ERC1: variants seen among roughly 807,000 people sequenced by gnomAD.
The protein encoded by ERC1 is RAB6 interacting protein 2.
In ERC1, 56 loss-of-function variants were observed where a neutral mutation model predicts 132.0. The observed-to-expected ratio is 0.42, with a 90% CI of 0.34 to 0.53. ERC1 has a LOEUF of 0.53. Ranked by LOEUF, ERC1 falls within the 20% of genes least tolerant of loss-of-function variation. The pLI is 0.03. For missense variants in ERC1, 1,202 were observed against 1,349.9 expected (o/e 0.89, Z 1.72); for synonymous variants, 478 against 476.1 (o/e 1.00, Z -0.05).
intron 15 of ERC1, among the ~76,000 whole-genome samples, chr12:1,336,563 G>A (rs982264395): frequency 6.6e-6 from 1 of 152,124 alleles, no homozygotes; most frequent in Non-Finnish European, 1.5e-5. Flanking sequence ...ATGGTTTCGA[G>A]CAAAATTCTT....
chr12:1,215,835 T>C (rs1958351419), intron 12 of ERC1, among the ~76,000 whole-genome samples: 1 of 152,204 alleles, frequency 6.6e-6, no homozygotes, highest in Admixed American at 6.5e-5. Flanking sequence ...ATATAGGTTA[T>C]TGTTAAAGAC....
rs1490216373 is a variant in ERC1 at position 1,066,323 on chromosome 12, A to G, written c.670-16841A>G. 2.0e-5 allele frequency among the ~76,000 whole-genome samples: 3 copies of G among 152,244 alleles called. No individual in the cohort carries two copies. The East Asian group carries it at 5.8e-4, about 29-fold the overall frequency. ...TATTGATTCTAAGCCTTATGTCAGC[A>G]TTGCAAGATAGATTAGGAAGAACAA... On this transcript the variant is annotated intron_variant, in intron 2 of 18. Coordinates refer to ENST00000360905, the MANE Select transcript of ERC1 (RefSeq NM_178040.4).
chr12:1,424,858 A>AGCTAGC (rs1565411478), intron 17 of ERC1, among the ~76,000 whole-genome samples: 157 of 118,878 alleles, frequency 1.3e-3, no homozygotes, highest in African/African-American at 5.6e-3. Context: ...AGATAGATAG[A>AGCTAGC]TAGATCGATA....
chr12:1,053,375 C>T (rs1241560475), intron 2 of ERC1, among the ~76,000 whole-genome samples: 4 of 152,174 alleles, frequency 2.6e-5, no homozygotes, highest in Non-Finnish European at 5.9e-5. Context: ...GAGATCACCC[C>T]ACCCCAGCCA....
intron 15 of ERC1, among the ~76,000 whole-genome samples, chr12:1,292,864 T>A (rs2079553617): frequency 6.7e-6 from 1 of 150,240 alleles, no homozygotes; most frequent in Non-Finnish European, 1.5e-5. Context: ...TATAAAAAAT[T>A]GGCTGGACGT....
chr12:1,360,151 C>T (rs1266354556), intron 15 of ERC1, among the ~76,000 whole-genome samples: 1 of 152,096 alleles, frequency 6.6e-6, no homozygotes, highest in African/African-American at 2.4e-5. Context: ...CTTAATTTCT[C>T]TTCTGATTTT....
At position 1,492,911 on chromosome 12, in the gene ERC1, G is replaced by A; in HGVS notation, c.*2681G>A. 1 of 228,616 alleles carries A rather than the reference G, an allele frequency of 4.4e-6. No homozygotes were observed. The highest frequency in any genetic ancestry group is 1.8e-4 in the South Asian group (1 of 5,466). 14.2% of individuals were successfully genotyped at this position (228,616 alleles called of 1,614,324 possible). A position where few individuals can be genotyped will look rare whatever the true frequency, so the allele number is the denominator to read the frequency against. ...TCCTAGTGGTCATGGTTTCATATGG[G>A]CATACAACTGCTACTGAAGTTATAT... On this transcript the variant is annotated 3_prime_UTR_variant, in exon 19 of 19. Transcript: ENST00000360905.
chr12:1,418,593 TTCTTTCTTTC>T (rs1269634981), intron 17 of ERC1, among the ~76,000 whole-genome samples: 3 of 19,850 alleles, frequency 1.5e-4, no homozygotes, highest in Admixed American at 1.4e-3. Context: ...TTCTTTCTCT[TTCTTTCTTTC>T]TTTCTTTCTT....
chr12:1,116,118 G>A, intron 7 of ERC1, 85 bp downstream of exon 7: 1 of 1,222,014 alleles, frequency 8.2e-7, no homozygotes, highest in African/African-American at 1.5e-5. Flanking sequence ...GTTATGTTTA[G>A]AATTGGGAAA....
At chr12:1,439,745 C>T (rs754246859) in intron 17 of ERC1, among the ~76,000 whole-genome samples, 7 of 152,110 alleles carry the variant, frequency 4.6e-5, no homozygotes, top group South Asian at 2.1e-4. Context: ...GTATTGAGGT[C>T]GCATGTGGAA....
chr12:1,419,864 C>CA (rs61705685), intron 17 of ERC1, among the ~76,000 whole-genome samples: 2,005 of 136,858 alleles, frequency 0.015, 30 homozygotes, highest in African/African-American at 0.048. Flanking sequence ...GATTTTCTGG[C>CA]AAAAAAAAAA....
intron 8 of ERC1, among the ~76,000 whole-genome samples, chr12:1,160,929 G>GAACC (rs1216554091): frequency 6.6e-6 from 1 of 151,946 alleles, no homozygotes; most frequent in Admixed American, 6.6e-5. Context: ...CCTTGATAGT[G>GAACC]AACCACCTCA....
rs372497149 is a variant in ERC1 at position 1,110,205 on chromosome 12, C to G, written c.1175C>G (p.Ser392Cys). 7 of 1,607,688 alleles carry G rather than the reference C, an allele frequency of 4.4e-6. No individual in the cohort carries two copies. The African/African-American group carries it at 9.4e-5, about 22-fold the overall frequency. Residue 392 changes from serine to cysteine, a missense_variant, in exon 5 of 19, where the codon TCC becomes TGC. Transcript: ENST00000360905. ...CATTGTCTTCAGGATTCAAAAATTT[C>G]CTCTATGGAGCGTGGGCTTCGAGAC... The part of the protein sequence containing the change: ...TVIEMKDSKI[S>C]SMERGLRDLE...
intron 16 of ERC1, among the ~76,000 whole-genome samples, chr12:1,403,412 C>T (rs1331693752): frequency 1.3e-5 from 2 of 152,168 alleles, no homozygotes; most frequent in Non-Finnish European, 2.9e-5. Context: ...ATGAGAGCCC[C>T]TTAAGAGCAC....
intron 12 of ERC1, among the ~76,000 whole-genome samples, chr12:1,225,600 G>A (rs1011458221): frequency 1.2e-4 from 19 of 152,012 alleles, no homozygotes; most frequent in African/African-American, 4.4e-4. Context: ...AGGTAAAGTA[G>A]GATTTTTAAA....
chr12:1,127,780 A>G (rs1467501787), intron 7 of ERC1, among the ~76,000 whole-genome samples: 1 of 152,198 alleles, frequency 6.6e-6, no homozygotes, highest in African/African-American at 2.4e-5. Context: ...TGAAGGAGGG[A>G]TGGGTATTGG....
At chr12:1,056,250 TGAA>T (rs1972941551) in intron 2 of ERC1, among the ~76,000 whole-genome samples, 1 of 152,108 alleles carries the variant, frequency 6.6e-6, no homozygotes, top group African/African-American at 2.4e-5. Flanking sequence ...TAGAAGATAA[TGAA>T]GAATAAGATT....
chr12:1,287,530 CAGTT>C lies in ERC1; in HGVS notation c.2620-2320_2620-2317del, dbSNP rs578200156. ...CTGATGTGGGTGGGCCTTATCCAGTCAGTTAAAGGCCTGAGTAGAACAAAACTCT... is the reference window on the plus strand; with the variant it reads ...CTGATGTGGGTGGGCCTTATCCAGTCAAAGGCCTGAGTAGAACAAAACTCT... On this transcript the variant is annotated intron_variant, in intron 14 of 18. Coordinates refer to ENST00000360905, the MANE Select transcript of ERC1 (RefSeq NM_178040.4). Among the ~76,000 whole-genome samples, 4 of 152,302 alleles carry C rather than the reference CAGTT, an allele frequency of 2.6e-5. No individual in the cohort carries two copies. In the East Asian group the frequency reaches 5.8e-4, roughly 22 times the overall value.
At chr12:1,385,408 G>C (rs12308558) in intron 16 of ERC1, among the ~76,000 whole-genome samples, 44,882 of 151,656 alleles carry the variant, frequency 0.3, 6,834 homozygotes, top group Middle Eastern at 0.35. Flanking sequence ...TCAGCCTCCC[G>C]AGTAGCTGGG....
Sources: allele counts gnomAD v4.1 joint callset (sites outside exome capture counted in the v4.1 genomes callset), GRCh38; gene constraint gnomAD v4.1.1; transcripts MANE v1.5; gene names NCBI Gene and HGNC (gene_info 2026-07-23, HGNC 2026-07-21).